The following REPS2 variants were observed in gnomAD, a reference collection of about 807,000 sequenced individuals.
The protein encoded by REPS2 is ralBP1-associated Eps domain-containing protein 2.
REPS2 carries 23 observed loss-of-function variants against 53.6 expected under a neutral mutation model. The observed-to-expected ratio is 0.43, with a 90% CI of 0.31 to 0.61. REPS2 has a LOEUF of 0.61. Ranked by LOEUF, REPS2 falls within the 20% of genes least tolerant of loss-of-function variation. The pLI is 0.11. For synonymous variants in REPS2, 238 were observed against 218.6 expected, an observed-to-expected ratio of 1.09 and a Z score of -0.78; for missense variants, 446 against 534.9, an observed-to-expected ratio of 0.83 and a Z score of 1.64.
At chrX:17,043,522 G>C (rs1319785891) in intron 5 of REPS2, among the ~76,000 whole-genome samples, 2 of 107,606 alleles carry the variant, frequency 1.9e-5, no homozygotes, top group South Asian at 4.2e-4. Context: ...CCCCGGCTTT[G>C]TGTCCTTTCT....
At chrX:17,036,221 G>A (rs1411124610) in intron 5 of REPS2, among the ~76,000 whole-genome samples, 1 of 112,448 alleles carries the variant, frequency 8.9e-6, no homozygotes, top group African/African-American at 3.2e-5. Flanking sequence ...GAAAATGTCT[G>A]TTTTCTCGTA....
chrX:17,193,376 G>T, the REPS2 span, among the ~76,000 whole-genome samples: 2 of 111,363 alleles, frequency 1.8e-5, no homozygotes, highest in African/African-American at 6.5e-5. Context: ...CCAAGGAGGA[G>T]AATTTCTGAT....
intron 8 of REPS2, among the ~76,000 whole-genome samples, chrX:17,062,010 T>C (rs1160800490): frequency 2.7e-5 from 3 of 112,810 alleles, no homozygotes; most frequent in Non-Finnish European, 5.6e-5. Context: ...AGTTAAATGA[T>C]GTATTTCCTT....
intron 2 of REPS2, among the ~76,000 whole-genome samples, chrX:17,010,320 A>G (rs1256881849): frequency 8.9e-6 from 1 of 112,335 alleles, no homozygotes; most frequent in African/African-American, 3.2e-5. Context: ...TTGCCGTCAG[A>G]CAAGAATTAC....
At chrX:16,974,036 G>A (rs1218140844) in intron 1 of REPS2, among the ~76,000 whole-genome samples, 4 of 111,219 alleles carry the variant, frequency 3.6e-5, no homozygotes, top group African/African-American at 9.8e-5. Context: ...GTCAAGATAC[G>A]ATTTTCCAGT....
intron 14 of REPS2, among the ~76,000 whole-genome samples, chrX:17,124,922 AGC>A (rs1367210052): frequency 9.9e-6 from 1 of 101,448 alleles, no homozygotes; most frequent in African/African-American, 3.7e-5. Flanking sequence ...GGAGTGCAGT[AGC>A]GAGATTTCAG....
At chrX:17,054,278 A>G (rs2062038378) in intron 7 of REPS2, among the ~76,000 whole-genome samples, 1 of 112,821 alleles carries the variant, frequency 8.9e-6, no homozygotes, top group African/African-American at 3.2e-5. Flanking sequence ...GGAGTTCTCA[A>G]GCAAAGAACA....
chrX:17,032,635 G>A (rs1256102242), intron 5 of REPS2, among the ~76,000 whole-genome samples: 1 of 111,773 alleles, frequency 8.9e-6, no homozygotes, highest in Non-Finnish European at 1.9e-5. Context: ...ATGTTGTCAC[G>A]TTGATGTGCC....
At chrX:17,123,032 C>T (rs1448807358) in intron 14 of REPS2, among the ~76,000 whole-genome samples, 1 of 112,010 alleles carries the variant, frequency 8.9e-6, no homozygotes, top group Non-Finnish European at 1.9e-5. Context: ...TATTGCCAGG[C>T]CTATATATGT....
intron 17 of REPS2, among the ~76,000 whole-genome samples, chrX:17,140,677 A>G (rs2063430353): frequency 9.1e-6 from 1 of 109,752 alleles, no homozygotes; most frequent in South Asian, 3.8e-4. Context: ...CTAGAGTTCA[A>G]TATATTTTTA....
chrX:17,141,496 T>A (rs189292542), intron 17 of REPS2, among the ~76,000 whole-genome samples: 4 of 112,185 alleles, frequency 3.6e-5, no homozygotes, highest in African/African-American at 9.7e-5. Flanking sequence ...CTGCATTTTT[T>A]AATAAGTCTC....
At chrX:17,086,817 A>G (rs1180480889) in intron 13 of REPS2, among the ~76,000 whole-genome samples, 1 of 112,530 alleles carries the variant, frequency 8.9e-6, no homozygotes, top group African/African-American at 3.2e-5. Flanking sequence ...AATTTATAGA[A>G]TTGTATGAAA....
At chrX:17,025,306 A>G in intron 4 of REPS2, 121 bp downstream of exon 4, 1 of 747,198 alleles carries the variant, frequency 1.3e-6, no homozygotes, top group Non-Finnish European at 1.9e-6. Flanking sequence ...CTTTGGAAAC[A>G]TGGCTCAATT....
Position 17,006,349 on chromosome X carries a change from G to A in REPS2, c.397+5G>A. Reference sequence around the variant, plus strand: ...GGATAGAGAGTATTAAATGTGGTGAGTATCTCACATTTGTATGTTTTATTG... The same window carrying A: ...GGATAGAGAGTATTAAATGTGGTGAATATCTCACATTTGTATGTTTTATTG... On this transcript the variant is annotated splice_donor_5th_base_variant and intron_variant, in intron 2 of 17. Coordinates refer to ENST00000357277, the MANE Select transcript of REPS2 (RefSeq NM_004726.3). The A allele has an allele frequency of 1.7e-6, 2 of 1,205,445 alleles. No homozygotes were observed. The highest frequency in any genetic ancestry group is 1.1e-6 in the Non-Finnish European group (1 of 890,603).
At chrX:17,096,651 C>A in intron 13 of REPS2, among the ~76,000 whole-genome samples, 1 of 47,184 alleles carries the variant, frequency 2.1e-5, no homozygotes. Context: ...CAGAGCGAGA[C>A]TCCGTCTCAA....
chrX:17,041,897 A>G (rs1248107376), intron 5 of REPS2, among the ~76,000 whole-genome samples: 1 of 112,289 alleles, frequency 8.9e-6, no homozygotes, highest in Non-Finnish European at 1.9e-5. Flanking sequence ...GTTTGATAGT[A>G]GGGGTAAATG....
At chrX:16,950,212 T>C (rs1299023666) in intron 1 of REPS2, among the ~76,000 whole-genome samples, 1 of 111,895 alleles carries the variant, frequency 8.9e-6, no homozygotes, top group Admixed American at 9.5e-5. Context: ...TATGGTTTGG[T>C]GGCTCATTTC....
intron 1 of REPS2, among the ~76,000 whole-genome samples, chrX:16,997,105 G>A (rs1701761743): frequency 8.9e-6 from 1 of 112,195 alleles, no homozygotes; most frequent in African/African-American, 3.2e-5. Context: ...GTACATTTGC[G>A]TTCACCTGAG....
chrX:16,953,573 T>C (rs906962239), intron 1 of REPS2, among the ~76,000 whole-genome samples: 1 of 112,404 alleles, frequency 8.9e-6, no homozygotes, highest in African/African-American at 3.2e-5. Flanking sequence ...AAAAAGATAT[T>C]ATTTTGGATG....
Sources: allele counts gnomAD v4.1 joint callset (sites outside exome capture counted in the v4.1 genomes callset), GRCh38; gene constraint gnomAD v4.1.1; transcripts MANE v1.5; gene names NCBI Gene and HGNC (gene_info 2026-07-23, HGNC 2026-07-21).